Variants in MEPE observed in about 807,000 individuals in gnomAD.
The protein encoded by MEPE is matrix, extracellular phosphoglycoprotein with ASARM motif (bone).
In MEPE, 7 loss-of-function variants were observed where a neutral mutation model predicts 7.3. The ratio of observed to expected loss-of-function variants is 0.95; its 90% CI spans 0.54 to 1.79. The LOEUF is 1.79. MEPE is among the 40% of genes most tolerant of loss of function. The pLI, the probability that MEPE is intolerant of heterozygous loss-of-function variation, is 0.00. For missense variants in MEPE, 623 were observed against 628.2 expected, an observed-to-expected ratio of 0.99 and a Z score of 0.09; for synonymous variants, 214 against 213.1, an observed-to-expected ratio of 1.00 and a Z score of -0.04.
chr4:87,823,116 C>T (rs758495612), intron 1 of MEPE, among the ~76,000 whole-genome samples: 13 of 152,086 alleles, frequency 8.5e-5, no homozygotes, highest in Non-Finnish European at 1.3e-4. Flanking sequence ...AAGCTTTTGA[C>T]GCATCAAAGA....
At chr4:87,838,591 A>G (rs1369683692) in intron 2 of MEPE, 41 bp from the exon 3 acceptor site, 1 of 1,566,434 alleles carries the variant, frequency 6.4e-7, no homozygotes, top group East Asian at 2.2e-5. Flanking sequence ...ATGAAATAGA[A>G]TGTTCTAGTG....
At chr4:87,832,396 C>G (rs776846520), upstream of MEPE, among the ~76,000 whole-genome samples, 4 of 152,148 alleles carry the variant, frequency 2.6e-5, no homozygotes, top group Non-Finnish European at 5.9e-5. Context: ...ATGCTTGTTA[C>G]TCCCCAACAA....
intron 1 of MEPE, among the ~76,000 whole-genome samples, chr4:87,826,380 GTTTT>G (rs34088812): frequency 1.1e-4 from 16 of 146,782 alleles, no homozygotes; most frequent in African/African-American, 3.8e-4. Context: ...CACCACAACA[GTTTT>G]TTTTTTTGTT....
chr4:87,827,464 T>C (rs931579993), intron 1 of MEPE, among the ~76,000 whole-genome samples: 3 of 152,138 alleles, frequency 2.0e-5, no homozygotes, highest in Non-Finnish European at 4.4e-5. Flanking sequence ...TTAATACATG[T>C]TCGATACAAT....
At chr4:87,825,662 C>A (rs1404069805) in intron 1 of MEPE, among the ~76,000 whole-genome samples, 1 of 152,248 alleles carries the variant, frequency 6.6e-6, no homozygotes, top group East Asian at 1.9e-4. Flanking sequence ...CTTAGACCAA[C>A]AAATCCAGTT....
At chr4:87,836,968 GA>G (rs1722818543) in intron 2 of MEPE, among the ~76,000 whole-genome samples, 1 of 152,182 alleles carries the variant, frequency 6.6e-6, no homozygotes, top group Non-Finnish European at 1.5e-5. Flanking sequence ...TTCTAGAATG[GA>G]ATTGAATATT....
At chr4:87,831,292 T>C (rs950992823), upstream of MEPE, among the ~76,000 whole-genome samples, 8 of 152,312 alleles carry the variant, frequency 5.3e-5, no homozygotes, top group African/African-American at 1.7e-4. Context: ...GTCCATCTTA[T>C]AAAATTTGTC....
chr4:87,834,813 C>T, intron 2 of MEPE, 45 bp downstream of exon 2: 1 of 1,531,666 alleles, frequency 6.5e-7, no homozygotes, highest in Non-Finnish European at 8.9e-7. Flanking sequence ...ATCTCTTGCT[C>T]TCTTCATTTG....
intron 2 of MEPE, among the ~76,000 whole-genome samples, chr4:87,838,164 A>C (rs1042242616): frequency 6.6e-6 from 1 of 152,204 alleles, no homozygotes; most frequent in Admixed American, 6.5e-5. Flanking sequence ...CAGCAGCATC[A>C]TATCTTAATT....
chr4:87,822,395 C>T (rs940184667), intron 1 of MEPE, among the ~76,000 whole-genome samples: 2 of 152,080 alleles, frequency 1.3e-5, no homozygotes, highest in Admixed American at 1.3e-4. Flanking sequence ...ACCCGTCAAG[C>T]AATTAAGTGG....
upstream of MEPE, among the ~76,000 whole-genome samples, chr4:87,828,551 A>C (rs1331231588): frequency 1.3e-5 from 2 of 152,208 alleles, no homozygotes; most frequent in African/African-American, 4.8e-5. Context: ...AGTACAGAAA[A>C]GATGGGTCCT....
chr4:87,841,414 G>A (rs12644687), intron 3 of MEPE, among the ~76,000 whole-genome samples: 2 of 151,996 alleles, frequency 1.3e-5, no homozygotes, highest in South Asian at 4.2e-4. Context: ...TGGCAAAATC[G>A]TATTTCAGAA....
At chr4:87,822,195 A>T (rs1002295709) in intron 1 of MEPE, among the ~76,000 whole-genome samples, 2 of 152,162 alleles carry the variant, frequency 1.3e-5, no homozygotes, top group Non-Finnish European at 2.9e-5. Context: ...CTCAACACTC[A>T]GTGCTTAGTC....
upstream of MEPE, among the ~76,000 whole-genome samples, chr4:87,832,699 C>G (rs957380865): frequency 6.6e-6 from 1 of 152,132 alleles, no homozygotes; most frequent in African/African-American, 2.4e-5. Flanking sequence ...TTCAGTCAGT[C>G]CTAATTAGCA....
Position 87,846,120 on chromosome 4 carries a change from C to G in MEPE, c.1252C>G (p.Gln418Glu). The G allele has an allele frequency of 6.3e-7, 1 of 1,592,816 alleles. No homozygotes were observed. Among genetic ancestry groups the G allele is most frequent in the South Asian group, 1.1e-5 (1 of 89,852 alleles). The change falls in exon 4 of 4, where the codon CAA (glutamine) becomes GAA (glutamate). Residue 418 changes from glutamine (Q) to glutamate (E), a missense_variant. By Grantham distance (29) the Gln-to-Glu change is conservative. Transcript: ENST00000361056. ...GGGTGTAGATCATTCTAATAGGAAC[C>G]AAGCAACCTTAAATGAAAAACAAAG... is the stretch of plus-strand genomic sequence containing the variant. ...RKGVDHSNRNQATLNEKQRFP... is the reference protein window; with the variant it reads ...RKGVDHSNRNEATLNEKQRFP...
intron 1 of MEPE, among the ~76,000 whole-genome samples, chr4:87,822,691 T>A (rs2109986069): frequency 6.6e-6 from 1 of 152,162 alleles, no homozygotes; most frequent in South Asian, 2.1e-4. Context: ...CTTAGCCAAA[T>A]AGGTATACTC....
At chr4:87,840,035 G>A (rs1011667108) in intron 3 of MEPE, 10 of 1,535,300 alleles carry the variant, frequency 6.5e-6, no homozygotes, top group East Asian at 2.4e-5. Flanking sequence ...GGCTGCAGGT[G>A]TGATACTCAT....
Position 87,844,905 on chromosome 4 carries a change from A to G in MEPE, c.109-72A>G, listed in dbSNP as rs1460153593. 9 of 1,130,922 alleles carry G rather than the reference A, an allele frequency of 8.0e-6. No homozygotes were observed. In the East Asian group the frequency reaches 2.4e-4, roughly 31 times the overall value. The allele number at this position is 1,130,922 out of a possible 1,614,324, so 70.1% of individuals were successfully genotyped here. ...TAAATATCTGGTGGATGGTTTTTATATTGCCTAAGAATTATTATATTTTAA... is the reference window on the plus strand; with the variant it reads ...TAAATATCTGGTGGATGGTTTTTATGTTGCCTAAGAATTATTATATTTTAA... On this transcript the variant is annotated intron_variant, in intron 3 of 3. Transcript: ENST00000361056.
At chr4:87,824,413 A>T (rs901932921) in intron 1 of MEPE, among the ~76,000 whole-genome samples, 3 of 152,256 alleles carry the variant, frequency 2.0e-5, no homozygotes, top group Non-Finnish European at 2.9e-5. Context: ...TAGGTCCTGG[A>T]ACTGTCAGAA....
Sources: allele counts gnomAD v4.1 joint callset (sites outside exome capture counted in the v4.1 genomes callset), GRCh38; gene constraint gnomAD v4.1.1; transcripts MANE v1.5; gene names NCBI Gene and HGNC (gene_info 2026-07-23, HGNC 2026-07-21).